Variants in NLRP1 observed in about 807,000 individuals in gnomAD.
NLRP1 encodes the protein NLR family pyrin domain containing 1.
A neutral mutation model predicts 136.7 loss-of-function variants in NLRP1; 94 were observed. The observed-to-expected ratio is 0.69, with a 90% CI of 0.58 to 0.82. NLRP1 has a LOEUF of 0.82. NLRP1 is among the 40% of genes least tolerant of loss of function. The probability of loss-of-function intolerance (pLI) is 0.00; values close to 1 mark genes in which losing one functional copy is unlikely to be tolerated. For synonymous variants in NLRP1, 690 were observed against 725.1 expected (o/e 0.95, Z 0.78); for missense variants, 1,575 against 1,802.7 (o/e 0.87, Z 2.29).
chr17:5,553,927 G>GA (rs1214121318), intron 4 of NLRP1, among the ~76,000 whole-genome samples: 4 of 150,758 alleles, frequency 2.7e-5, no homozygotes, highest in South Asian at 2.1e-4. Flanking sequence ...CTGCAGATAA[G>GA]AAAAAAATTT....
At chr17:5,501,806 G>C (rs746305090) in exon 16 of NLRP1, 1 of 1,612,630 alleles carries the variant, frequency 6.2e-7, no homozygotes, top group Non-Finnish European at 8.5e-7. Context: ...GCCGCAGGCT[G>C]CTGGGCACTA....
At chr17:5,522,659 G>C (rs1909045893) in intron 12 of NLRP1, among the ~76,000 whole-genome samples, 1 of 152,224 alleles carries the variant, frequency 6.6e-6, no homozygotes, top group South Asian at 2.1e-4. Flanking sequence ...CCAGGTGGGA[G>C]CACTTAGCAG....
intron 5 of NLRP1, among the ~76,000 whole-genome samples, chr17:5,542,604 T>G (rs534370258): frequency 6.6e-6 from 1 of 152,152 alleles, no homozygotes; most frequent in Non-Finnish European, 1.5e-5. Context: ...TCTGCTTTAC[T>G]TTTCTCTATA....
intron 14 of NLRP1, among the ~76,000 whole-genome samples, 161 bp downstream of exon 14, chr17:5,520,720 C>T (rs1167367724): frequency 6.6e-6 from 1 of 152,196 alleles, no homozygotes; most frequent in Non-Finnish European, 1.5e-5. Context: ...CTTTCTTTCT[C>T]CTAGTCTTGG....
Position 5,533,337 on chromosome 17 carries a change from CGTCCAGGAGTTT to C in NLRP1, c.3088_3099del (p.Lys1030_Asp1033del). Reference sequence around the variant, plus strand: ...TCAGCAATTGGGAAGATCTTGCTCACGTCCAGGAGTTTGAGATTAGCCTGAGCAACATGGGAA... The same window carrying C: ...TCAGCAATTGGGAAGATCTTGCTCACGAGATTAGCCTGAGCAACATGGGAA... On this transcript the variant is annotated inframe_deletion, in exon 10 of 17. Transcript: ENST00000572272. The C allele has an allele frequency of 6.7e-7, 1 of 1,493,284 alleles. No individual in the cohort carries two copies. Among genetic ancestry groups the C allele is most frequent in the Non-Finnish European group, 9.1e-7 (1 of 1,093,782 alleles). The allele number at this position is 1,493,284 out of a possible 1,614,324, so 92.5% of individuals were successfully genotyped here.
chr17:5,520,736 T>C (rs1908786383), intron 14 of NLRP1, 145 bp downstream of exon 14: 1 of 735,230 alleles, frequency 1.4e-6, no homozygotes, highest in Non-Finnish European at 2.1e-6. Flanking sequence ...CTTGGAAGCA[T>C]TCCCACTTTC....
chr17:5,552,084 C>CTTT (rs71151872), intron 5 of NLRP1, among the ~76,000 whole-genome samples: 7 of 96,670 alleles, frequency 7.2e-5, no homozygotes, highest in Admixed American at 1.0e-4. Context: ...TCTATCTTTC[C>CTTT]TTTTTTTTTT....
chr17:5,542,058 G>T (rs201410839), intron 5 of NLRP1, 31 bp from the exon 6 acceptor site: 1 of 1,599,648 alleles, frequency 6.3e-7, no homozygotes, highest in South Asian at 1.1e-5. Flanking sequence ...TGGTCTTCAG[G>T]TTACTCACCT....
chr17:5,561,043 G>A (rs1421597396), intron 3 of NLRP1, among the ~76,000 whole-genome samples: 2 of 152,152 alleles, frequency 1.3e-5, no homozygotes, highest in African/African-American at 4.8e-5. Context: ...CTCTCCTTAG[G>A]TGAATTTCAT....
At chr17:5,512,313 AC>A (rs1907690467), downstream of NLRP1, 1 of 1,452,888 alleles carries the variant, frequency 6.9e-7, no homozygotes, top group Non-Finnish European at 9.7e-7. Context: ...CTGCAAAAGG[AC>A]ATTCGCCAAG....
chr17:5,551,662 C>T (rs1195664105), intron 5 of NLRP1, among the ~76,000 whole-genome samples: 1 of 152,166 alleles, frequency 6.6e-6, no homozygotes, highest in East Asian at 1.9e-4. Flanking sequence ...ATGAGAGTTC[C>T]TGTTTTTCCA....
chr17:5,529,453 C>T (rs1242536887), intron 12 of NLRP1, among the ~76,000 whole-genome samples: 5 of 151,708 alleles, frequency 3.3e-5, no homozygotes, highest in South Asian at 2.1e-4. Flanking sequence ...CTGCAAGCTC[C>T]ACCTCCTGGG....
At position 5,584,349 on chromosome 17, in the gene NLRP1, C is replaced by A. The variant is rs1906048994; in HGVS notation, c.-392G>T. 1 of 220,654 alleles carries A rather than the reference C, an allele frequency of 4.5e-6. No homozygotes were observed. The allele number at this position is 220,654 out of a possible 1,614,324, so 13.7% of individuals were successfully genotyped here. Reference sequence around the variant, plus strand: ...TGGGTCCTGGACTCCTGAGATCAACCCTTGAGCTGCAAGGCTGAGAAGAGG... The same window carrying A: ...TGGGTCCTGGACTCCTGAGATCAACACTTGAGCTGCAAGGCTGAGAAGAGG... On this transcript the variant is annotated 5_prime_UTR_variant, in exon 1 of 17. Coordinates refer to ENST00000572272, the MANE Select transcript of NLRP1 (RefSeq NM_033004.4).
At chr17:5,509,705 A>T, downstream of NLRP1, among the ~76,000 whole-genome samples, 1 of 152,162 alleles carries the variant, frequency 6.6e-6, no homozygotes, top group Non-Finnish European at 1.5e-5. Flanking sequence ...GGGTTTTGCT[A>T]TGTTGGCCAG....
At chr17:5,560,970 A>G (rs1485816416) in intron 3 of NLRP1, among the ~76,000 whole-genome samples, 2 of 152,236 alleles carry the variant, frequency 1.3e-5, no homozygotes, top group African/African-American at 4.8e-5. Flanking sequence ...CAGATTCCAA[A>G]TAGAACAACA....
At chr17:5,534,028 G>A (rs755622525) in intron 8 of NLRP1, 40 bp from the exon 9 acceptor site, 8 of 1,392,498 alleles carry the variant, frequency 5.7e-6, no homozygotes, top group Non-Finnish European at 8.2e-6. Flanking sequence ...GATCTTGGAG[G>A]AAGCGAGGGC....
chr17:5,515,323 G>A (rs1907948597), intron 16 of NLRP1, 150 bp downstream of exon 16: 3 of 762,740 alleles, frequency 3.9e-6, no homozygotes, highest in Admixed American at 2.1e-5. Context: ...AAGGGGGTAT[G>A]GGGAGCGACC....
chr17:5,566,160 A>G (rs1029101658), intron 3 of NLRP1, among the ~76,000 whole-genome samples: 2 of 151,140 alleles, frequency 1.3e-5, no homozygotes, highest in African/African-American at 2.4e-5. Flanking sequence ...TTTTCTTTTT[A>G]ATTTCATTTA....
downstream of NLRP1, among the ~76,000 whole-genome samples, chr17:5,511,431 C>G (rs1907617413): frequency 7.5e-6 from 1 of 133,776 alleles, no homozygotes; most frequent in Non-Finnish European, 1.6e-5. Flanking sequence ...ACAGAGCGAG[C>G]CTCCGTCTAA....
Sources: gnomAD v4.1 joint callset for allele counts (sites outside exome capture counted in the v4.1 genomes callset) on GRCh38, gnomAD v4.1.1 for gene constraint, MANE v1.5 for transcripts, NCBI Gene and HGNC (gene_info 2026-07-23, HGNC 2026-07-21) for gene names.